NKAIN2: variants seen among roughly 807,000 people sequenced by gnomAD.
The protein encoded by NKAIN2 is sodium/potassium-transporting ATPase subunit beta-1-interacting protein 2.
NKAIN2 carries 14 observed loss-of-function variants against 32.6 expected under a neutral mutation model. That is an observed-to-expected ratio of 0.43 (90% CI 0.28 to 0.67). NKAIN2 has a LOEUF of 0.67. NKAIN2 is among the 30% of genes least tolerant of loss of function. The pLI is 0.17. For missense variants in NKAIN2, 198 were observed against 258.3 expected (o/e 0.77, Z 1.60); for synonymous variants, 80 against 87.2 (o/e 0.92, Z 0.46).
chr6:124,314,370 C>G lies in NKAIN2; in HGVS notation c.192+31228C>G, dbSNP rs540288724. 4.2e-4 allele frequency among the ~76,000 whole-genome samples: 64 copies of G among 152,184 alleles called. 2 individuals carry two copies. The South Asian group carries it at 0.013, about 31-fold the overall frequency. On this transcript the variant is annotated intron_variant, in intron 2 of 6. Coordinates refer to ENST00000368417, the MANE Select transcript of NKAIN2 (RefSeq NM_001040214.3). The stretch of plus-strand genomic sequence containing the variant: ...AAACTAATTTCCACTAAACATTACT[C>G]CTATAAGTTTTGCAAGATAAAAATG...
At chr6:124,732,953 A>G (rs1776759956) in intron 4 of NKAIN2, among the ~76,000 whole-genome samples, 1 of 151,998 alleles carries the variant, frequency 6.6e-6, no homozygotes, top group Admixed American at 6.6e-5. Context: ...TGGATAAATA[A>G]ACCGTGATAC....
At chr6:123,919,460 T>G (rs1176512542) in intron 1 of NKAIN2, among the ~76,000 whole-genome samples, 1 of 152,132 alleles carries the variant, frequency 6.6e-6, no homozygotes. Flanking sequence ...TTAACTGCAA[T>G]GTATCTTTTG....
chr6:124,103,176 T>G (rs1416257216), intron 1 of NKAIN2, among the ~76,000 whole-genome samples: 1 of 152,194 alleles, frequency 6.6e-6, no homozygotes, highest in Non-Finnish European at 1.5e-5. Flanking sequence ...CTTTCAGATA[T>G]TTAGACAGAC....
At chr6:124,217,484 T>TATACTAAA (rs1418392510) in intron 1 of NKAIN2, among the ~76,000 whole-genome samples, 5 of 152,096 alleles carry the variant, frequency 3.3e-5, no homozygotes, top group Admixed American at 2.6e-4. Context: ...GGAAATAAAT[T>TATACTAAA]ATACTAAAAA....
intron 1 of NKAIN2, among the ~76,000 whole-genome samples, chr6:123,979,310 T>C (rs1029013472): frequency 3.9e-5 from 6 of 152,224 alleles, no homozygotes; most frequent in Non-Finnish European, 1.5e-5. Flanking sequence ...TAACATTCGT[T>C]ATTACATGAT....
At chr6:124,172,048 G>A (rs111368074) in intron 1 of NKAIN2, among the ~76,000 whole-genome samples, 137 of 152,096 alleles carry the variant, frequency 9.0e-4, no homozygotes, top group African/African-American at 3.3e-3. Flanking sequence ...TGGTGACCTC[G>A]TGATCCGTCC....
At chr6:124,540,244 G>A (rs1382191501) in intron 3 of NKAIN2, among the ~76,000 whole-genome samples, 1 of 152,182 alleles carries the variant, frequency 6.6e-6, no homozygotes, top group Non-Finnish European at 1.5e-5. Context: ...AATTCTCTAT[G>A]ACAAGGCAAC....
intron 3 of NKAIN2, among the ~76,000 whole-genome samples, chr6:124,356,804 A>G (rs1799006047): frequency 1.3e-5 from 2 of 152,172 alleles, no homozygotes; most frequent in Admixed American, 1.3e-4. Context: ...ACTTTCTTCA[A>G]AGGAATTCCA....
chr6:124,051,573 G>A (rs1319212982), intron 1 of NKAIN2, among the ~76,000 whole-genome samples: 1 of 151,434 alleles, frequency 6.6e-6, no homozygotes, highest in Non-Finnish European at 1.5e-5. Flanking sequence ...ATCCCTCCCC[G>A]CTCCCCCGAC....
intron 2 of NKAIN2, among the ~76,000 whole-genome samples, chr6:124,297,504 G>A (rs778920278): frequency 1.3e-5 from 2 of 152,002 alleles, no homozygotes; most frequent in African/African-American, 2.4e-5. Flanking sequence ...GGCAGAAAAG[G>A]TGGAAACTGG....
intron 1 of NKAIN2, among the ~76,000 whole-genome samples, chr6:123,983,928 A>G (rs1366767733): frequency 6.6e-6 from 1 of 152,006 alleles, no homozygotes; most frequent in Non-Finnish European, 1.5e-5. Flanking sequence ...TTTTTTTGAG[A>G]TGGAGATTTC....
chr6:124,566,247 C>A (rs956251698), intron 3 of NKAIN2, among the ~76,000 whole-genome samples: 1 of 152,214 alleles, frequency 6.6e-6, no homozygotes, highest in African/African-American at 2.4e-5. Context: ...CACCATACCC[C>A]AACCACAAAA....
intron 1 of NKAIN2, among the ~76,000 whole-genome samples, chr6:123,976,427 A>C (rs1778643506): frequency 7.6e-6 from 1 of 132,192 alleles, no homozygotes. Flanking sequence ...GGAAAGAGAG[A>C]GAGAAAGAAG....
At chr6:124,067,882 A>T (rs1372926030) in intron 1 of NKAIN2, among the ~76,000 whole-genome samples, 2 of 152,188 alleles carry the variant, frequency 1.3e-5, no homozygotes, top group African/African-American at 2.4e-5. Context: ...TGTGCATGTA[A>T]GTGTTAGAGG....
intron 1 of NKAIN2, among the ~76,000 whole-genome samples, chr6:124,196,533 T>C (rs1486801135): frequency 6.6e-6 from 1 of 152,116 alleles, no homozygotes; most frequent in Non-Finnish European, 1.5e-5. Context: ...TAATGCCTAT[T>C]AACACTGAAA....
chr6:123,832,033 C>G (rs1774408561), intron 1 of NKAIN2, among the ~76,000 whole-genome samples: 1 of 152,128 alleles, frequency 6.6e-6, no homozygotes, highest in African/African-American at 2.4e-5. Flanking sequence ...GTTATATATT[C>G]TGTGGATTTG....
At chr6:124,786,844 A>G (rs1225493410) in intron 4 of NKAIN2, among the ~76,000 whole-genome samples, 1 of 152,146 alleles carries the variant, frequency 6.6e-6, no homozygotes, top group Admixed American at 6.6e-5. Flanking sequence ...CAGGAACAAA[A>G]TAAAATTATT....
At chr6:123,891,279 C>T (rs982221021) in intron 1 of NKAIN2, among the ~76,000 whole-genome samples, 2 of 152,114 alleles carry the variant, frequency 1.3e-5, no homozygotes, top group Admixed American at 6.6e-5. Context: ...GATGATACAA[C>T]ACTGTGAATG....
At chr6:124,444,466 G>T (rs1335306893) in intron 3 of NKAIN2, among the ~76,000 whole-genome samples, 3 of 151,946 alleles carry the variant, frequency 2.0e-5, no homozygotes. Flanking sequence ...CGTAATGGTT[G>T]TTGCTTTCAA....
Sources: allele counts gnomAD v4.1 joint callset (sites outside exome capture counted in the v4.1 genomes callset), GRCh38; gene constraint gnomAD v4.1.1; transcripts MANE v1.5; gene names NCBI Gene and HGNC (gene_info 2026-07-23, HGNC 2026-07-21).